IL12RB1: variants seen among roughly 807,000 people sequenced by gnomAD.
IL12RB1 encodes interleukin 12 receptor subunit beta 1, also known as interleukin-12 receptor subunit beta-1.
Under a neutral mutation model 94.4 loss-of-function variants are expected in IL12RB1, and 64 were observed. That is an observed-to-expected ratio of 0.68 (90% confidence interval 0.55 to 0.83). IL12RB1 has a LOEUF of 0.83. Ranked by LOEUF, IL12RB1 falls within the 40% of genes least tolerant of loss-of-function variation. The pLI, the probability that IL12RB1 is intolerant of heterozygous loss-of-function variation, is 0.00. For missense variants in IL12RB1, 814 were observed against 855.6 expected, an observed-to-expected ratio of 0.95 and a Z score of 0.61; for synonymous variants, 362 against 355.5, an observed-to-expected ratio of 1.02 and a Z score of -0.21.
intron 4 of IL12RB1, 36 bp downstream of exon 4, chr19:18,080,796 G>A (rs1227330142): frequency 1.4e-6 from 2 of 1,466,076 alleles, no homozygotes; most frequent in Admixed American, 3.3e-5. Flanking sequence ...GGCCTCTCTG[G>A]GTAAAAAACG....
In IL12RB1 at chr19:18,060,104, GC is replaced by G; in HGVS notation, c.1792-20del. The G allele has an allele frequency of 6.9e-7, 1 of 1,457,146 alleles. No homozygotes were observed. The highest frequency in any genetic ancestry group is 9.6e-7 in the Non-Finnish European group (1 of 1,042,128). The allele number at this position is 1,457,146 out of a possible 1,614,324, so 90.3% of individuals were successfully genotyped here. On this transcript the variant is annotated intron_variant, in intron 15 of 16. Coordinates refer to ENST00000593993, the MANE Select transcript of IL12RB1 (RefSeq NM_005535.3). ...GCCAAGTCTGCAGAGGGAGGGTAGG[GC>G]CACAGCTGTGAGCAGAGCTCTACTT... is the stretch of plus-strand genomic sequence containing the variant.
chr19:18,078,812 G>A (rs17885062), intron 4 of IL12RB1, among the ~76,000 whole-genome samples: 13 of 151,960 alleles, frequency 8.6e-5, no homozygotes, highest in Non-Finnish European at 1.8e-4. Context: ...GGTCATACCC[G>A]GCCTGATTCT....
At chr19:18,074,832 A>G (rs1281486925) in intron 7 of IL12RB1, among the ~76,000 whole-genome samples, 3 of 152,090 alleles carry the variant, frequency 2.0e-5, no homozygotes, top group Non-Finnish European at 2.9e-5. Flanking sequence ...AGGGCAGATC[A>G]CGAGGTCAGG....
chr19:18,078,055 G>C (rs2146344479), intron 4 of IL12RB1, among the ~76,000 whole-genome samples: 1 of 152,254 alleles, frequency 6.6e-6, no homozygotes, highest in South Asian at 2.1e-4. Flanking sequence ...GCTGAAGTGA[G>C]CCCTGATCAC....
intron 4 of IL12RB1, among the ~76,000 whole-genome samples, chr19:18,079,716 T>C (rs1599541282): frequency 1.3e-5 from 2 of 151,368 alleles, no homozygotes; most frequent in South Asian, 4.2e-4. Flanking sequence ...GAGACCACGG[T>C]GAAACCCCGT....
intron 4 of IL12RB1, among the ~76,000 whole-genome samples, chr19:18,078,683 TTTTG>T (rs963762879): frequency 2.0e-5 from 3 of 151,870 alleles, no homozygotes; most frequent in Admixed American, 1.3e-4. Context: ...CCAATTCTTT[TTTTG>T]TTTGTTTGTT....
chr19:18,095,736 C>T (rs1442275093), intron 1 of IL12RB1, among the ~76,000 whole-genome samples: 1 of 152,096 alleles, frequency 6.6e-6, no homozygotes, highest in East Asian at 1.9e-4. Flanking sequence ...CCCTGGCATC[C>T]TGTATTTTTA....
chr19:18,073,639 G>C, intron 7 of IL12RB1, 40 bp from the exon 8 acceptor site: 1 of 1,159,294 alleles, frequency 8.6e-7, no homozygotes, highest in South Asian at 1.2e-5. Context: ...ATTGGAAGGA[G>C]AGAAAGACTG....
chr19:18,076,382 T>C, intron 5 of IL12RB1, 55 bp from the exon 6 acceptor site: 1 of 891,662 alleles, frequency 1.1e-6, no homozygotes. Flanking sequence ...GAAAAATATT[T>C]GCTGTTTTAC....
chr19:18,088,404 T>TATATATATATAA (rs1038225227), upstream of IL12RB1, among the ~76,000 whole-genome samples: 4 of 137,796 alleles, frequency 2.9e-5, no homozygotes, highest in East Asian at 4.4e-4. Context: ...TATATATATA[T>TATATATATATAA]AAATTAAAAG....
intron 9 of IL12RB1, among the ~76,000 whole-genome samples, 162 bp from the exon 10 acceptor site, chr19:18,069,875 T>C (rs532307490): frequency 1.3e-5 from 2 of 152,178 alleles, no homozygotes; most frequent in Middle Eastern, 3.4e-3. Context: ...GGAGGCTGCC[T>C]TGGGGCCAGG....
intron 1 of IL12RB1, among the ~76,000 whole-genome samples, chr19:18,097,289 T>G (rs1005925015): frequency 4.6e-5 from 7 of 152,160 alleles, no homozygotes; most frequent in African/African-American, 1.7e-4. Flanking sequence ...GCGATTCTCC[T>G]GCCTCAGTCT....
upstream of IL12RB1, among the ~76,000 whole-genome samples, chr19:18,091,888 T>A (rs1200644203): frequency 6.2e-5 from 9 of 145,844 alleles, no homozygotes; most frequent in East Asian, 1.6e-3. Context: ...TTTTTTTTTT[T>A]ACTTTTGAGA....
chr19:18,081,004 G>A lies in IL12RB1; in HGVS notation c.240-3C>T, dbSNP rs2035861293. The A allele has an allele frequency of 1.2e-6, 2 of 1,610,412 alleles. No individual in the cohort carries two copies. The highest frequency in any genetic ancestry group is 1.7e-5 in the Admixed American group (1 of 59,974). Reference sequence around the variant, plus strand: ...AGCAGCAGCGCCCGGAGCTAAGGCTGCAGCAGGAAGGAGGGTGTCAGTGCC... The same window carrying A: ...AGCAGCAGCGCCCGGAGCTAAGGCTACAGCAGGAAGGAGGGTGTCAGTGCC... On this transcript the variant is annotated splice_polypyrimidine_tract_variant and splice_region_variant and intron_variant, in intron 3 of 16. Transcript: ENST00000593993.
intron 15 of IL12RB1, among the ~76,000 whole-genome samples, chr19:18,060,463 A>T (rs895173712): frequency 6.6e-6 from 1 of 152,224 alleles, no homozygotes; most frequent in Admixed American, 6.5e-5. Flanking sequence ...TGGGTGACAG[A>T]GCGAGACTCC....
At chr19:18,093,024 G>A (rs371191867) in intron 1 of IL12RB1, among the ~76,000 whole-genome samples, 1 of 152,000 alleles carries the variant, frequency 6.6e-6, no homozygotes, top group Non-Finnish European at 1.5e-5. Context: ...TAGATGTTAG[G>A]CCGGGCACAG....
In IL12RB1 at chr19:18,086,864, T is replaced by C. The variant is rs1431554350; in HGVS notation, c.-41A>G. The stretch of plus-strand genomic sequence containing the variant: ...CCCCACAGCCCCAGGGGAGCCTCTC[T>C]GCCACCTGCGAGGTTCAGCCACCCC... On this transcript the variant is annotated 5_prime_UTR_variant, in exon 1 of 17. Transcript: ENST00000593993. 5.6e-6 allele frequency: 9 copies of C among 1,594,212 alleles called. No homozygotes were observed. The highest frequency in any genetic ancestry group is 1.1e-5 in the South Asian group (1 of 88,574).
intron 1 of IL12RB1, among the ~76,000 whole-genome samples, chr19:18,093,380 G>C (rs1433718266): frequency 6.6e-6 from 1 of 150,382 alleles, no homozygotes; most frequent in Admixed American, 6.6e-5. Context: ...GTGTGTGTGT[G>C]TGTTAACCAC....
At chr19:18,068,319 C>A in intron 11 of IL12RB1, 70 bp downstream of exon 11, 1 of 1,301,062 alleles carries the variant, frequency 7.7e-7, no homozygotes, top group Non-Finnish European at 1.1e-6. Flanking sequence ...AGTCACTGTG[C>A]CCAGCCTCTA....
Sources: gnomAD v4.1 joint callset for allele counts (sites outside exome capture counted in the v4.1 genomes callset) on GRCh38, gnomAD v4.1.1 for gene constraint, MANE v1.5 for transcripts, NCBI Gene and HGNC (gene_info 2026-07-23, HGNC 2026-07-21) for gene names.